The following PCCA variants were observed in gnomAD, a reference collection of about 807,000 sequenced individuals.
PCCA encodes the protein propionyl-CoA carboxylase alpha chain, mitochondrial.
A neutral mutation model predicts 101.3 loss-of-function variants in PCCA; 74 were observed. The ratio of observed to expected loss-of-function variants is 0.73; its 90% CI spans 0.61 to 0.89. The LOEUF is 0.89. Ranked by LOEUF, PCCA falls within the 40% of genes least tolerant of loss-of-function variation. PCCA has a pLI of 0.00. For synonymous variants in PCCA, 294 were observed against 313.6 expected, an observed-to-expected ratio of 0.94 and a Z score of 0.66; for missense variants, 891 against 907.0, an observed-to-expected ratio of 0.98 and a Z score of 0.23.
At chr13:100,105,459 TG>T (rs1482954672) in intron 2 of PCCA, among the ~76,000 whole-genome samples, 4 of 151,664 alleles carry the variant, frequency 2.6e-5, no homozygotes, top group Non-Finnish European at 1.5e-5. Context: ...TATAGAGGGG[TG>T]GAATACTACA....
At chr13:100,460,852 A>G (rs190233393) in intron 21 of PCCA, among the ~76,000 whole-genome samples, 2 of 152,320 alleles carry the variant, frequency 1.3e-5, no homozygotes, top group East Asian at 3.9e-4. Context: ...ACTTAATATG[A>G]TAATTCATCT....
chr13:100,335,496 T>C (rs1028555973), intron 17 of PCCA, among the ~76,000 whole-genome samples: 1 of 152,204 alleles, frequency 6.6e-6, no homozygotes, highest in Non-Finnish European at 1.5e-5. Context: ...TCAATAATTA[T>C]TAGCTCCAGA....
intron 12 of PCCA, among the ~76,000 whole-genome samples, chr13:100,299,561 T>G (rs1484227091): frequency 6.6e-6 from 1 of 152,218 alleles, no homozygotes; most frequent in Non-Finnish European, 1.5e-5. Flanking sequence ...TCATTCAATA[T>G]GTATTTATTT....
chr13:100,484,197 G>A (rs758125004), intron 21 of PCCA, among the ~76,000 whole-genome samples: 9 of 151,888 alleles, frequency 5.9e-5, no homozygotes, highest in Non-Finnish European at 1.2e-4. Context: ...GCTCATATCC[G>A]GTCCTCTGTG....
chr13:100,367,819 G>T (rs918398153), intron 18 of PCCA, among the ~76,000 whole-genome samples: 8 of 151,646 alleles, frequency 5.3e-5, no homozygotes, highest in African/African-American at 1.7e-4. Context: ...TTAGCCGCGT[G>T]TGGTGGTGGG....
At chr13:100,422,114 C>CTTTCTTTCT (rs2078849180) in intron 19 of PCCA, among the ~76,000 whole-genome samples, 5 of 105,008 alleles carry the variant, frequency 4.8e-5, no homozygotes, top group Admixed American at 3.0e-4. Flanking sequence ...TTCTTTCTTT[C>CTTTCTTTCT]TTTCTTTTCT....
At chr13:100,130,926 A>G (rs1729402699) in intron 4 of PCCA, among the ~76,000 whole-genome samples, 1 of 152,178 alleles carries the variant, frequency 6.6e-6, no homozygotes. Flanking sequence ...GTTTCCATGT[A>G]TCAGTTTTTT....
At chr13:100,297,305 C>CA (rs565306779) in intron 12 of PCCA, among the ~76,000 whole-genome samples, 219 of 152,310 alleles carry the variant, frequency 1.4e-3, no homozygotes, top group Non-Finnish European at 2.8e-3. Flanking sequence ...TACTTTCACT[C>CA]ACTAGCTTTA....
chr13:100,485,929 T>C (rs1294646569), intron 21 of PCCA, among the ~76,000 whole-genome samples: 1 of 152,232 alleles, frequency 6.6e-6, no homozygotes, highest in African/African-American at 2.4e-5. Context: ...CTTAGCATCA[T>C]TGACAGCAGC....
At chr13:100,242,937 C>T (rs2061235258) in intron 8 of PCCA, among the ~76,000 whole-genome samples, 1 of 152,034 alleles carries the variant, frequency 6.6e-6, no homozygotes, top group Non-Finnish European at 1.5e-5. Context: ...CATTCTGTTG[C>T]CCAGGCTGGA....
chr13:100,399,061 G>T (rs891959530), intron 19 of PCCA, among the ~76,000 whole-genome samples: 6 of 151,870 alleles, frequency 4.0e-5, no homozygotes, highest in African/African-American at 1.5e-4. Context: ...GGTATTCATG[G>T]TTTTTTCCAT....
Position 100,130,076 on chromosome 13 carries a change from G to A in PCCA, c.300+18015G>A, listed in dbSNP as rs1349334099. Reference sequence around the variant, plus strand: ...CTTTTTTTGTGCTAAATTTATTGAAGTCCACAAAAACCAGAGAAAAATGTC... The same window carrying A: ...CTTTTTTTGTGCTAAATTTATTGAAATCCACAAAAACCAGAGAAAAATGTC... On this transcript the variant is annotated intron_variant, in intron 4 of 23. Coordinates refer to ENST00000376285, the MANE Select transcript of PCCA (RefSeq NM_000282.4). Among the ~76,000 whole-genome samples the A allele has an allele frequency of 2.0e-5, 3 of 152,136 alleles. No homozygotes were observed. In the East Asian group the frequency reaches 5.8e-4, roughly 29 times the overall value.
At chr13:100,454,659 G>T (rs972915090) in intron 21 of PCCA, among the ~76,000 whole-genome samples, 1 of 152,148 alleles carries the variant, frequency 6.6e-6, no homozygotes, top group Non-Finnish European at 1.5e-5. Flanking sequence ...ATATAAGTTT[G>T]TTTTTGTCAA....
intron 12 of PCCA, among the ~76,000 whole-genome samples, chr13:100,288,176 A>G (rs2064837561): frequency 6.6e-6 from 1 of 152,244 alleles, no homozygotes; most frequent in African/African-American, 2.4e-5. Context: ...AAATCTAAGT[A>G]CACAGAATTC....
At position 100,089,172 on chromosome 13, in the gene PCCA, G is replaced by A. The variant is rs779286461; in HGVS notation, c.52G>A (p.Gly18Arg). 3.9e-5 allele frequency: 60 copies of A among 1,530,460 alleles called. No homozygotes were observed. Among genetic ancestry groups the A allele is most frequent in the Non-Finnish European group, 8.8e-7 (1 of 1,140,878 alleles). The allele number at this position is 1,530,460 out of a possible 1,614,324, so 94.8% of individuals were successfully genotyped here. A position where few individuals can be genotyped will look rare whatever the true frequency, so the allele number is the denominator to read the frequency against. Residue 18 changes from glycine (G) to arginine (R), a missense_variant, in exon 1 of 24, where the codon GGG becomes AGG. Coordinates refer to ENST00000376285, the MANE Select transcript of PCCA (RefSeq NM_000282.4). Reference sequence around the variant, plus strand: ...ACCGCTGGTCGCTGCCGGACGGCGTGGGCGGTGGCCGCCGCAGCAGCTGAT... The same window carrying A: ...ACCGCTGGTCGCTGCCGGACGGCGTAGGCGGTGGCCGCCGCAGCAGCTGAT... The part of the protein sequence containing the change: ...TAPLVAAGRR[G>R]RWPPQQLMLS...
intron 1 of PCCA, among the ~76,000 whole-genome samples, chr13:100,100,333 A>G (rs750932231): frequency 5.0e-4 from 76 of 152,162 alleles, no homozygotes; most frequent in Non-Finnish European, 9.4e-4. Flanking sequence ...CAGTGGCAAT[A>G]TGTTACTGGG....
At chr13:100,313,331 A>G (rs2067079984) in intron 16 of PCCA, among the ~76,000 whole-genome samples, 1 of 152,212 alleles carries the variant, frequency 6.6e-6, no homozygotes, top group African/African-American at 2.4e-5. Context: ...ATTGCAATAG[A>G]GAAAGAGTTT....
chr13:100,449,197 T>C, intron 20 of PCCA, 55 bp from the exon 21 acceptor site: 2 of 1,113,086 alleles, frequency 1.8e-6, no homozygotes, highest in Non-Finnish European at 2.6e-6. Context: ...TCGTGAACAT[T>C]ACATACAAGC....
At chr13:100,094,762 A>G (rs1355066929) in intron 1 of PCCA, among the ~76,000 whole-genome samples, 1 of 152,024 alleles carries the variant, frequency 6.6e-6, no homozygotes, top group Non-Finnish European at 1.5e-5. Flanking sequence ...TAATTTTTAT[A>G]TTTTTAGTAG....
Sources: allele counts gnomAD v4.1 joint callset (sites outside exome capture counted in the v4.1 genomes callset), GRCh38; gene constraint gnomAD v4.1.1; transcripts MANE v1.5; gene names NCBI Gene and HGNC (gene_info 2026-07-23, HGNC 2026-07-21).